Variants in MAST4 observed in about 807,000 individuals in gnomAD.
MAST4 encodes microtubule-associated serine/threonine-protein kinase 4.
MAST4 carries 89 observed loss-of-function variants against 162.7 expected under a neutral mutation model. The ratio of observed to expected loss-of-function variants is 0.55; its 90% CI spans 0.46 to 0.65. The LOEUF is 0.65. MAST4 is among the 30% of genes least tolerant of loss of function. The pLI, the probability that MAST4 is intolerant of heterozygous loss-of-function variation, is 0.00. For synonymous variants in MAST4, 1,479 were observed against 1,361.1 expected (o/e 1.09, Z -1.91); for missense variants, 3,153 against 3,374.0 (o/e 0.93, Z 1.62).
At chr5:66,947,727 C>G (rs926763316) in intron 4 of MAST4, among the ~76,000 whole-genome samples, 1 of 152,118 alleles carries the variant, frequency 6.6e-6, no homozygotes, top group Non-Finnish European at 1.5e-5. Flanking sequence ...TTGGCAAAAC[C>G]TGGTTGGGTA....
chr5:67,071,157 GAAAC>G (rs1024732895), intron 5 of MAST4, among the ~76,000 whole-genome samples: 55 of 151,902 alleles, frequency 3.6e-4, no homozygotes, highest in African/African-American at 7.0e-4. Context: ...ACAAATAGTG[GAAAC>G]AAACAAAACT....
intron 11 of MAST4, 124 bp from the exon 12 acceptor site, chr5:67,113,963 C>T (rs1439947231): frequency 9.5e-7 from 1 of 1,056,270 alleles, no homozygotes; most frequent in African/African-American, 1.6e-5. Flanking sequence ...CATTTGCCTC[C>T]TTTCTGCATA....
intron 1 of MAST4, among the ~76,000 whole-genome samples, chr5:66,710,167 A>G (rs533543813): frequency 4.6e-5 from 7 of 152,294 alleles, no homozygotes; most frequent in African/African-American, 1.7e-4. Flanking sequence ...TGGATTTAGT[A>G]ATTTTTAGTT....
intron 3 of MAST4, among the ~76,000 whole-genome samples, chr5:66,847,718 G>A (rs796812122): frequency 1.1e-4 from 17 of 150,534 alleles, no homozygotes; most frequent in African/African-American, 3.9e-4. Context: ...CTACTTGGGA[G>A]GCTGAGGCAC....
At chr5:66,668,810 T>G (rs1328613994) in intron 1 of MAST4, among the ~76,000 whole-genome samples, 2 of 152,206 alleles carry the variant, frequency 1.3e-5, no homozygotes, top group Middle Eastern at 3.2e-3. Flanking sequence ...TCAGAGGTAG[T>G]AGGGGGAAGC....
intron 14 of MAST4, among the ~76,000 whole-genome samples, chr5:67,122,334 C>T (rs1767691022): frequency 6.6e-6 from 1 of 152,178 alleles, no homozygotes; most frequent in Admixed American, 6.5e-5. Flanking sequence ...ATTTTCCACA[C>T]CATTAACTTA....
intron 1 of MAST4, among the ~76,000 whole-genome samples, chr5:66,652,257 C>T (rs1746275296): frequency 6.6e-6 from 1 of 152,162 alleles, no homozygotes; most frequent in Non-Finnish European, 1.5e-5. Context: ...TCCAAGAAGA[C>T]TATCTGAAAC....
At chr5:66,951,043 T>A (rs1744618834) in intron 4 of MAST4, among the ~76,000 whole-genome samples, 1 of 152,250 alleles carries the variant, frequency 6.6e-6, no homozygotes, top group Admixed American at 6.5e-5. Flanking sequence ...TTAGCCATTT[T>A]ACTATTGATA....
chr5:66,846,575 G>C (rs761301066), intron 3 of MAST4, among the ~76,000 whole-genome samples: 2 of 152,134 alleles, frequency 1.3e-5, no homozygotes, highest in Non-Finnish European at 2.9e-5. Context: ...AGAAAATAGA[G>C]TTAATCCATG....
At chr5:66,875,514 G>T (rs25837) in intron 3 of MAST4, among the ~76,000 whole-genome samples, 43,541 of 151,986 alleles carry the variant, frequency 0.29, 6,471 homozygotes, top group East Asian at 0.54. Context: ...GGGAACAAAA[G>T]CATCTCAATC....
rs1327958057 is a variant in MAST4 at position 66,745,512 on chromosome 5, T to C, written c.364-14197T>C. Reference sequence around the variant, plus strand: ...ATCGATCATCGATTAATGATCAATATACAGCTCCGTACTGCTCTGTGCTCC... The same window carrying C: ...ATCGATCATCGATTAATGATCAATACACAGCTCCGTACTGCTCTGTGCTCC... On this transcript the variant is annotated intron_variant, in intron 1 of 28. Transcript: ENST00000403625. Among the ~76,000 whole-genome samples the C allele has an allele frequency of 3.3e-5, 5 of 152,228 alleles. No individual in the cohort carries two copies. In the East Asian group the frequency reaches 7.7e-4, roughly 23 times the overall value.
At chr5:66,862,847 G>A (rs1349693414) in intron 3 of MAST4, among the ~76,000 whole-genome samples, 1 of 152,178 alleles carries the variant, frequency 6.6e-6, no homozygotes, top group Non-Finnish European at 1.5e-5. Flanking sequence ...GTCCAGGAAG[G>A]CTGAGTGACC....
At chr5:66,998,959 C>T (rs1434552719) in intron 4 of MAST4, among the ~76,000 whole-genome samples, 1 of 152,232 alleles carries the variant, frequency 6.6e-6, no homozygotes, top group African/African-American at 2.4e-5. Flanking sequence ...GGTCTTAAAA[C>T]AAGATAGGAG....
rs71632591 is a variant in MAST4 at position 66,825,736 on chromosome 5, G to T, written c.642+36942G>T. 8.8e-3 allele frequency among the ~76,000 whole-genome samples: 1,346 copies of T among 152,176 alleles called. 21 individuals are homozygous for T. Among genetic ancestry groups the T allele is most frequent in the South Asian group, 0.079 (380 of 4,820 alleles). On this transcript the variant is annotated intron_variant, in intron 3 of 28. Coordinates refer to ENST00000403625, the MANE Select transcript of MAST4 (RefSeq NM_001164664.2). The stretch of plus-strand genomic sequence containing the variant: ...GTAAATTATGCCTATAATAGAGTGG[G>T]CATGTGGCGTATCCATACAGGTAAT...
chr5:67,125,224 T>A (rs1263485762), intron 14 of MAST4, among the ~76,000 whole-genome samples: 1 of 152,062 alleles, frequency 6.6e-6, no homozygotes, highest in Non-Finnish European at 1.5e-5. Context: ...ATATATTTCC[T>A]GTTTGAAAAC....
rs116074701 is a variant in MAST4, at chr5:66,791,396, G to A, written c.642+2602G>A. ...AGAAACAGAAACTGACTTATTCATT[G>A]ATGAAATGCATGTCACCTGACCTAA... is the stretch of plus-strand genomic sequence containing the variant. On this transcript the variant is annotated intron_variant, in intron 3 of 28. Transcript: ENST00000403625. 9.5e-3 allele frequency among the ~76,000 whole-genome samples: 1,454 copies of A among 152,306 alleles called. 33 individuals are homozygous for A. Among genetic ancestry groups the A allele is most frequent in the African/African-American group, 0.033 (1,353 of 41,552 alleles).
At chr5:66,980,357 TAAA>T (rs1748640931) in intron 4 of MAST4, among the ~76,000 whole-genome samples, 1 of 152,314 alleles carries the variant, frequency 6.6e-6, no homozygotes, top group South Asian at 2.1e-4. Flanking sequence ...TGAAATTAGT[TAAA>T]AAGGATAAGC....
At chr5:67,053,534 G>T (rs772862791) in intron 4 of MAST4, among the ~76,000 whole-genome samples, 14 of 152,144 alleles carry the variant, frequency 9.2e-5, no homozygotes, top group Non-Finnish European at 1.8e-4. Context: ...TCTGACTACT[G>T]TATTGCTAAT....
chr5:66,991,351 G>A (rs1333757527), intron 4 of MAST4, among the ~76,000 whole-genome samples: 1 of 152,114 alleles, frequency 6.6e-6, no homozygotes, highest in Non-Finnish European at 1.5e-5. Context: ...GTTATATGAT[G>A]GGCATAACCC....
Sources: gnomAD v4.1 joint callset for allele counts (sites outside exome capture counted in the v4.1 genomes callset) on GRCh38, gnomAD v4.1.1 for gene constraint, MANE v1.5 for transcripts, NCBI Gene and HGNC (gene_info 2026-07-23, HGNC 2026-07-21) for gene names.